The following ULK4 variants were observed in gnomAD, a reference collection of about 807,000 sequenced individuals.
The protein encoded by ULK4 is unc-51 like kinase 4.
In ULK4, 133 loss-of-function variants were observed where a neutral mutation model predicts 160.6. The observed-to-expected ratio is 0.83, with a 90% CI of 0.72 to 0.96. ULK4 has a LOEUF of 0.96. ULK4 is among the 40% of genes least tolerant of loss of function. The pLI, the probability that ULK4 is intolerant of heterozygous loss-of-function variation, is 0.00. For synonymous variants in ULK4, 534 were observed against 539.8 expected (o/e 0.99, Z 0.15); for missense variants, 1,580 against 1,499.5 (o/e 1.05, Z -0.89).
At chr3:41,496,135 T>C (rs2084979383) in intron 32 of ULK4, among the ~76,000 whole-genome samples, 1 of 151,796 alleles carries the variant, frequency 6.6e-6, no homozygotes, top group Admixed American at 6.6e-5. Flanking sequence ...TTGTAAAAAA[T>C]ACTGACAAAC....
At chr3:41,500,413 A>G (rs2085157977) in intron 32 of ULK4, among the ~76,000 whole-genome samples, 1 of 45,682 alleles carries the variant, frequency 2.2e-5, no homozygotes, top group Non-Finnish European at 1.0e-4. Context: ...AAGTGGGGCC[A>G]GGATAGGAGT....
chr3:41,844,472 C>T (rs931836783), intron 17 of ULK4, among the ~76,000 whole-genome samples: 17 of 152,200 alleles, frequency 1.1e-4, no homozygotes, highest in African/African-American at 3.9e-4. Flanking sequence ...CAGGGCGCGC[C>T]AAGCCCATGC....
chr3:41,739,277 G>C (rs765266256), intron 22 of ULK4, among the ~76,000 whole-genome samples: 1 of 151,858 alleles, frequency 6.6e-6, no homozygotes. Flanking sequence ...ATACTCCTCT[G>C]TGTGGCCTTC....
intron 33 of ULK4, among the ~76,000 whole-genome samples, chr3:41,461,495 C>T (rs540347503): frequency 6.6e-6 from 1 of 152,200 alleles, no homozygotes; most frequent in South Asian, 2.1e-4. Context: ...AGATCAAAGT[C>T]AGTGGTCAAG....
chr3:41,834,300 A>G (rs1489256864), intron 18 of ULK4, among the ~76,000 whole-genome samples: 2 of 152,048 alleles, frequency 1.3e-5, no homozygotes, highest in Non-Finnish European at 2.9e-5. Flanking sequence ...ATATATGTAA[A>G]TACTACTTTT....
At chr3:41,695,591 A>C (rs1431182226) in intron 27 of ULK4, among the ~76,000 whole-genome samples, 1 of 152,154 alleles carries the variant, frequency 6.6e-6, no homozygotes, top group Non-Finnish European at 1.5e-5. Flanking sequence ...ATCAGCACCA[A>C]AATAATATAG....
intron 17 of ULK4, among the ~76,000 whole-genome samples, chr3:41,866,893 TCA>T (rs2125689486): frequency 6.6e-6 from 1 of 152,334 alleles, no homozygotes; most frequent in South Asian, 2.1e-4. Flanking sequence ...ATGAAATTAT[TCA>T]GATTATCCCC....
At chr3:41,378,200 A>G (rs1473251797) in intron 35 of ULK4, among the ~76,000 whole-genome samples, 5 of 135,504 alleles carry the variant, frequency 3.7e-5, no homozygotes, top group Admixed American at 8.2e-5. Context: ...CAGGAAGGGG[A>G]ACATCACACT....
chr3:41,709,004 G>A (rs2036998931), intron 25 of ULK4, among the ~76,000 whole-genome samples: 1 of 152,098 alleles, frequency 6.6e-6, no homozygotes, highest in Admixed American at 6.5e-5. Flanking sequence ...ATATTTATTT[G>A]TGTATGTCAC....
At chr3:41,673,106 C>G (rs1181927632) in intron 29 of ULK4, among the ~76,000 whole-genome samples, 2 of 151,984 alleles carry the variant, frequency 1.3e-5, no homozygotes, top group African/African-American at 4.8e-5. Flanking sequence ...TATCAAAGTG[C>G]TGGGATTACA....
chr3:41,259,896 A>G (rs2078909015), intron 35 of ULK4: 1 of 152,102 alleles, frequency 6.6e-6, no homozygotes, highest in African/African-American at 2.4e-5. Context: ...TAGAAAAAAA[A>G]TATCAGGAGA....
Position 41,760,136 on chromosome 3 carries a change from C to T in ULK4, c.2194-5648G>A, listed in dbSNP as rs192062768. On this transcript the variant is annotated intron_variant, in intron 21 of 36. Transcript: ENST00000301831. ...TTAATGAACAAAATATTTAAACAGACATTTCACTAAAGAAAATATGTATCT... is the reference window on the plus strand; with the variant it reads ...TTAATGAACAAAATATTTAAACAGATATTTCACTAAAGAAAATATGTATCT... 1.7e-3 allele frequency among the ~76,000 whole-genome samples: 261 copies of T among 152,196 alleles called. 2 individuals are homozygous for T. The highest frequency in any genetic ancestry group is 5.9e-3 in the African/African-American group (245 of 41,556).
chr3:41,319,460 G>A (rs1320879976), intron 35 of ULK4, among the ~76,000 whole-genome samples: 1 of 152,140 alleles, frequency 6.6e-6, no homozygotes, highest in Non-Finnish European at 1.5e-5. Context: ...AATTTCAAGA[G>A]TCCAGATCAA....
intron 31 of ULK4, among the ~76,000 whole-genome samples, chr3:41,570,622 G>C (rs552885525): frequency 6.6e-6 from 1 of 152,144 alleles, no homozygotes; most frequent in Non-Finnish European, 1.5e-5. Context: ...TTGTTTCTTT[G>C]AGATACACAT....
At chr3:41,660,898 A>G (rs2035129470) in intron 30 of ULK4, among the ~76,000 whole-genome samples, 1 of 152,180 alleles carries the variant, frequency 6.6e-6, no homozygotes, top group Non-Finnish European at 1.5e-5. Flanking sequence ...AATGATTTAG[A>G]TATCTTTGTA....
chr3:41,884,849 A>G (rs531362481), intron 16 of ULK4, among the ~76,000 whole-genome samples: 55 of 152,322 alleles, frequency 3.6e-4, no homozygotes, highest in Non-Finnish European at 6.9e-4. Flanking sequence ...AACCTACACA[A>G]ATTAAAGAAG....
At chr3:41,438,069 TTTATCA>T (rs1279051097) in intron 34 of ULK4, among the ~76,000 whole-genome samples, 1 of 150,746 alleles carries the variant, frequency 6.6e-6, no homozygotes, top group African/African-American at 2.5e-5. Flanking sequence ...CGAAAATAAC[TTTATCA>T]TATTCTGGTT....
intron 2 of ULK4, among the ~76,000 whole-genome samples, chr3:41,946,043 C>G (rs901624923): frequency 1.3e-5 from 2 of 151,690 alleles, no homozygotes; most frequent in African/African-American, 4.8e-5. Flanking sequence ...GGGCAGGGGG[C>G]GGGAAGGGCA....
intron 32 of ULK4, among the ~76,000 whole-genome samples, chr3:41,557,729 C>T (rs1439639972): frequency 1.3e-5 from 2 of 151,906 alleles, no homozygotes; most frequent in Admixed American, 6.6e-5. Context: ...TGTGTTACTG[C>T]ACTCCAGCCT....
Sources: gnomAD v4.1 joint callset for allele counts (sites outside exome capture counted in the v4.1 genomes callset) on GRCh38, gnomAD v4.1.1 for gene constraint, MANE v1.5 for transcripts, NCBI Gene and HGNC (gene_info 2026-07-23, HGNC 2026-07-21) for gene names.